Variants in PARVA observed in about 807,000 individuals in gnomAD.
PARVA encodes the protein parvin alpha.
Under a neutral mutation model 52.6 loss-of-function variants are expected in PARVA, and 25 were observed. The observed-to-expected ratio is 0.48, with a 90% CI of 0.35 to 0.66. The LOEUF (loss-of-function observed/expected upper bound fraction) is 0.66. Among genes scored for constraint, PARVA ranks in the 30% least tolerant of loss-of-function variants. The pLI is 0.01. For missense variants in PARVA, 373 were observed against 450.9 expected, an observed-to-expected ratio of 0.83 and a Z score of 1.56; for synonymous variants, 185 against 179.1, an observed-to-expected ratio of 1.03 and a Z score of -0.26.
chr11:12,413,249 G>T (rs910571939), intron 1 of PARVA, among the ~76,000 whole-genome samples: 3 of 152,198 alleles, frequency 2.0e-5, no homozygotes, highest in Admixed American at 6.5e-5. Flanking sequence ...CTAGAAATCA[G>T]ATTCTGTCCA....
chr11:12,478,023 G>T, intron 4 of PARVA, 74 bp downstream of exon 4: 1 of 845,388 alleles, frequency 1.2e-6, no homozygotes, highest in East Asian at 2.4e-5. Flanking sequence ...TAGCTAGAAG[G>T]AGTTATTCTC....
chr11:12,434,086 T>C (rs1940354228), intron 1 of PARVA, among the ~76,000 whole-genome samples: 1 of 152,212 alleles, frequency 6.6e-6, no homozygotes, highest in Non-Finnish European at 1.5e-5. Flanking sequence ...ATGTTCTACG[T>C]GTTCATAAAT....
chr11:12,485,562 AAATT>A (rs1205967322), intron 4 of PARVA, among the ~76,000 whole-genome samples: 5 of 152,220 alleles, frequency 3.3e-5, no homozygotes, highest in Non-Finnish European at 2.9e-5. Flanking sequence ...TTTGGGGGAA[AAATT>A]AATAATAGCA....
At chr11:12,478,112 C>T (rs1278052193) in intron 4 of PARVA, 163 bp downstream of exon 4, 4 of 702,482 alleles carry the variant, frequency 5.7e-6, no homozygotes, top group Non-Finnish European at 1.0e-5. Flanking sequence ...CTTTAGATGT[C>T]CTCTTGGAAT....
intron 1 of PARVA, among the ~76,000 whole-genome samples, chr11:12,461,612 C>G (rs1166044988): frequency 6.6e-6 from 1 of 152,230 alleles, no homozygotes; most frequent in South Asian, 2.1e-4. Flanking sequence ...ATTGTTTCGA[C>G]TGCCTGAAGC....
rs1253326651 is a variant in PARVA at position 12,531,019 on chromosome 11, G to A, written c.*3094G>A. Reference sequence around the variant, plus strand: ...TTAAGTCCTCTTTTGGAACCTTATGGTGAATTGTATGCAGATTGATGAAGG... The same window carrying A: ...TTAAGTCCTCTTTTGGAACCTTATGATGAATTGTATGCAGATTGATGAAGG... On this transcript the variant is annotated 3_prime_UTR_variant, in exon 13 of 13. Coordinates refer to ENST00000334956, the MANE Select transcript of PARVA (RefSeq NM_018222.5). Among the ~76,000 whole-genome samples, 1 of 152,176 alleles carries A rather than the reference G, an allele frequency of 6.6e-6. No individual in the cohort carries two copies. Among genetic ancestry groups the A allele is most frequent in the Non-Finnish European group, 1.5e-5 (1 of 68,040 alleles).
At chr11:12,476,392 T>G (rs548116277) in intron 3 of PARVA, among the ~76,000 whole-genome samples, 1 of 152,014 alleles carries the variant, frequency 6.6e-6, no homozygotes, top group East Asian at 1.9e-4. Flanking sequence ...TACTTTCAGA[T>G]GAAGGTTTGA....
At chr11:12,518,930 G>A (rs902823633) in intron 12 of PARVA, among the ~76,000 whole-genome samples, 1 of 152,198 alleles carries the variant, frequency 6.6e-6, no homozygotes, top group African/African-American at 2.4e-5. Context: ...GCGGAGCTCT[G>A]CCTGCTCAGA....
Position 12,521,719 on chromosome 11 carries a change from G to A in PARVA, c.1042+3202G>A, listed in dbSNP as rs374732337. Among the ~76,000 whole-genome samples, 11 of 152,224 alleles carry A rather than the reference G, an allele frequency of 7.2e-5. No homozygotes were observed. In the East Asian group the frequency reaches 1.9e-3, roughly 27 times the overall value. Reference sequence around the variant, plus strand: ...ATCACAGGGGTCCTTATTATAAGTCGAAGTGGGAGGCAGGAGTGTGAGGGT... The same window carrying A: ...ATCACAGGGGTCCTTATTATAAGTCAAAGTGGGAGGCAGGAGTGTGAGGGT... On this transcript the variant is annotated intron_variant, in intron 12 of 12. Coordinates refer to ENST00000334956, the MANE Select transcript of PARVA (RefSeq NM_018222.5).
chr11:12,516,313 C>T (rs1002304141), intron 10 of PARVA, among the ~76,000 whole-genome samples: 2 of 152,216 alleles, frequency 1.3e-5, no homozygotes, highest in African/African-American at 4.8e-5. Flanking sequence ...CACTCATAAA[C>T]ATTTGGTGGC....
chr11:12,454,088 T>C (rs1940661266), intron 1 of PARVA, among the ~76,000 whole-genome samples: 2 of 152,150 alleles, frequency 1.3e-5, no homozygotes, highest in Non-Finnish European at 2.9e-5. Context: ...CAGGAGACTT[T>C]GAGGGATCCA....
At chr11:12,421,801 A>G (rs11022351) in intron 1 of PARVA, among the ~76,000 whole-genome samples, 46,340 of 152,242 alleles carry the variant, frequency 0.3, 7,627 homozygotes, top group Non-Finnish European at 0.37. Context: ...GGAAAAGCCA[A>G]AAGGATGCAT....
chr11:12,504,477 A>T, intron 6 of PARVA, 48 bp downstream of exon 6: 1 of 1,206,996 alleles, frequency 8.3e-7, no homozygotes, highest in Middle Eastern at 1.9e-4. Flanking sequence ...AGAGTCGTGG[A>T]GGTCGAGTTC....
chr11:12,465,011 A>G (rs1003714560), intron 1 of PARVA, among the ~76,000 whole-genome samples: 1 of 152,170 alleles, frequency 6.6e-6, no homozygotes, highest in Admixed American at 6.5e-5. Flanking sequence ...AATTCACAAT[A>G]GGGTTTGCGC....
At chr11:12,381,960 G>C (rs1939495686) in intron 1 of PARVA, among the ~76,000 whole-genome samples, 1 of 152,010 alleles carries the variant, frequency 6.6e-6, no homozygotes, top group South Asian at 2.1e-4. Flanking sequence ...CAAGGTTTAT[G>C]GTATTTCACT....
intron 1 of PARVA, among the ~76,000 whole-genome samples, chr11:12,467,978 C>T (rs748668817): frequency 6.6e-6 from 1 of 152,234 alleles, no homozygotes; most frequent in African/African-American, 2.4e-5. Flanking sequence ...ACTCCCTCAA[C>T]ACCTGCCCTG....
At chr11:12,446,618 T>C (rs1940551678) in intron 1 of PARVA, among the ~76,000 whole-genome samples, 1 of 152,230 alleles carries the variant, frequency 6.6e-6, no homozygotes, top group African/African-American at 2.4e-5. Context: ...ATGAATATTA[T>C]TAAAATATCA....
chr11:12,527,731 G>T (rs539434672), intron 12 of PARVA, 118 bp from the exon 13 acceptor site: 7 of 790,268 alleles, frequency 8.9e-6, no homozygotes, highest in Admixed American at 1.8e-5. Context: ...CTACCCATCT[G>T]CCCCGAACAT....
At chr11:12,378,158 C>G (rs895114880) in intron 1 of PARVA, among the ~76,000 whole-genome samples, 1 of 152,020 alleles carries the variant, frequency 6.6e-6, no homozygotes, top group Non-Finnish European at 1.5e-5. Flanking sequence ...GGCCCTGCCC[C>G]GCCCTCTGCG....
Sources: gnomAD v4.1 joint callset for allele counts (sites outside exome capture counted in the v4.1 genomes callset) on GRCh38, gnomAD v4.1.1 for gene constraint, MANE v1.5 for transcripts, NCBI Gene and HGNC (gene_info 2026-07-23, HGNC 2026-07-21) for gene names.